Variants in ANKS1B observed in about 807,000 individuals in gnomAD.
ANKS1B encodes the protein ankyrin repeat and sterile alpha motif domain containing 1B, also known as ankyrin repeat and sterile alpha motif domain-containing protein 1B.
Under a neutral mutation model 148.3 loss-of-function variants are expected in ANKS1B, and 36 were observed. That is an observed-to-expected ratio of 0.24 (90% CI 0.19 to 0.32). The LOEUF (loss-of-function observed/expected upper bound fraction) is 0.32. ANKS1B is among the 10% of genes least tolerant of loss of function. The pLI, the probability that ANKS1B is intolerant of heterozygous loss-of-function variation, is 1.00. For synonymous variants in ANKS1B, 542 were observed against 560.8 expected (o/e 0.97, Z 0.47); for missense variants, 1,157 against 1,542.6 (o/e 0.75, Z 4.19).
chr12:99,257,305 C>G (rs2075386774), intron 12 of ANKS1B, among the ~76,000 whole-genome samples: 1 of 151,810 alleles, frequency 6.6e-6, no homozygotes, highest in Non-Finnish European at 1.5e-5. Flanking sequence ...TGATTCCATA[C>G]TTCATATCTC....
intron 9 of ANKS1B, among the ~76,000 whole-genome samples, chr12:99,553,020 C>T (rs1292767339): frequency 1.3e-5 from 2 of 152,160 alleles, no homozygotes; most frequent in Non-Finnish European, 2.9e-5. Flanking sequence ...AGAGAGCTGA[C>T]TTTATATCAC....
At chr12:99,705,630 G>A (rs1024732811) in intron 8 of ANKS1B, among the ~76,000 whole-genome samples, 1 of 152,080 alleles carries the variant, frequency 6.6e-6, no homozygotes, top group Non-Finnish European at 1.5e-5. Flanking sequence ...AAAGACATTT[G>A]CATGAAATTA....
intron 1 of ANKS1B, among the ~76,000 whole-genome samples, chr12:99,866,655 T>C (rs1479584809): frequency 6.6e-6 from 1 of 152,204 alleles, no homozygotes; most frequent in South Asian, 2.1e-4. Flanking sequence ...TTCACAAATA[T>C]GCATTACTGT....
intron 4 of ANKS1B, among the ~76,000 whole-genome samples, chr12:99,800,192 A>C (rs1261248785): frequency 6.6e-6 from 1 of 152,034 alleles, no homozygotes; most frequent in Non-Finnish European, 1.5e-5. Flanking sequence ...TGGTGTCCTT[A>C]TAAGGGAAAG....
chr12:99,136,030 A>T (rs2067930506), intron 15 of ANKS1B, among the ~76,000 whole-genome samples: 1 of 152,202 alleles, frequency 6.6e-6, no homozygotes, highest in Non-Finnish European at 1.5e-5. Flanking sequence ...AATCTTAAGG[A>T]TAAAGTAAAG....
At chr12:99,121,094 C>CT (rs1047797939) in intron 15 of ANKS1B, among the ~76,000 whole-genome samples, 2,121 of 142,700 alleles carry the variant, frequency 0.015, 47 homozygotes, top group East Asian at 0.091. Context: ...AAAATTTAGA[C>CT]TTTTTTTTTT....
intron 9 of ANKS1B, chr12:99,649,537 G>A: frequency 1.5e-6 from 1 of 657,180 alleles, no homozygotes; most frequent in Non-Finnish European, 2.6e-6. Context: ...TACCATGGAT[G>A]TGGCTGCAAC....
chr12:99,960,071 C>G (rs1057066337), intron 1 of ANKS1B, among the ~76,000 whole-genome samples: 7 of 152,098 alleles, frequency 4.6e-5, no homozygotes, highest in Non-Finnish European at 8.8e-5. Context: ...GCAAAAAGAA[C>G]AGGAGATTTA....
At chr12:99,806,876 C>A (rs2067686644) in intron 3 of ANKS1B, among the ~76,000 whole-genome samples, 176 bp from the exon 4 acceptor site, 1 of 151,480 alleles carries the variant, frequency 6.6e-6, no homozygotes, top group Non-Finnish European at 1.5e-5. Context: ...TTCATTGAAT[C>A]AAAAAAAAAT....
intron 9 of ANKS1B, among the ~76,000 whole-genome samples, chr12:99,572,730 A>C (rs1189040705): frequency 2.6e-5 from 4 of 152,078 alleles, no homozygotes; most frequent in Non-Finnish European, 5.9e-5. Context: ...AAGCCTAAAA[A>C]TCCAAGATAA....
At chr12:99,282,642 C>T (rs946761960) in intron 12 of ANKS1B, among the ~76,000 whole-genome samples, 3 of 151,900 alleles carry the variant, frequency 2.0e-5, no homozygotes, top group African/African-American at 4.8e-5. Context: ...GTTCTATGAA[C>T]GTAGAACTAA....
intron 17 of ANKS1B, among the ~76,000 whole-genome samples, chr12:98,863,857 C>T (rs906102980): frequency 6.6e-5 from 10 of 152,116 alleles, no homozygotes; most frequent in African/African-American, 2.4e-4. Context: ...GAAAGTTGAC[C>T]GTGATGTCGA....
chr12:99,662,058 C>A (rs2098480250), intron 8 of ANKS1B, among the ~76,000 whole-genome samples: 1 of 152,204 alleles, frequency 6.6e-6, no homozygotes, highest in South Asian at 2.1e-4. Context: ...CAGCCTTGGA[C>A]TGCCTAGCTC....
intron 9 of ANKS1B, among the ~76,000 whole-genome samples, chr12:99,577,293 A>G (rs2097528246): frequency 1.0e-5 from 1 of 97,244 alleles, no homozygotes; most frequent in Non-Finnish European, 2.0e-5. Flanking sequence ...TGTTCACATC[A>G]AATAAATAAA....
chr12:99,379,159 T>G (rs2152501145), intron 12 of ANKS1B, among the ~76,000 whole-genome samples: 1 of 152,336 alleles, frequency 6.6e-6, no homozygotes, highest in South Asian at 2.1e-4. Context: ...ATTTACAGAC[T>G]AAGAATTACA....
intron 14 of ANKS1B, among the ~76,000 whole-genome samples, chr12:99,231,864 T>C (rs113634173): frequency 1.4e-3 from 211 of 152,156 alleles, no homozygotes; most frequent in African/African-American, 5.0e-3. Flanking sequence ...GAGGCTCTTT[T>C]AGGAGAAAGG....
At chr12:99,388,463 G>C (rs917918735) in intron 12 of ANKS1B, among the ~76,000 whole-genome samples, 3 of 152,160 alleles carry the variant, frequency 2.0e-5, no homozygotes, top group Non-Finnish European at 4.4e-5. Context: ...CAAGGGACTG[G>C]TATTGATGGG....
chr12:99,313,986 T>C (rs1213437026), intron 12 of ANKS1B, among the ~76,000 whole-genome samples: 3 of 152,190 alleles, frequency 2.0e-5, no homozygotes, highest in Admixed American at 6.5e-5. Flanking sequence ...TTGTCTCTGT[T>C]TGCAGATGAC....
Position 98,756,721 on chromosome 12 carries a change from A to G in ANKS1B, c.3580-5199T>C, listed in dbSNP as rs982618939. ...AGCCTGGGTGACAGAGCGAGACTCC[A>G]TCTATCTTTTTTTTTTTTTTTTTGA... On this transcript the variant is annotated intron_variant, in intron 25 of 26. Coordinates refer to ENST00000683438, the MANE Select transcript of ANKS1B (RefSeq NM_001352186.2). Among the ~76,000 whole-genome samples the G allele has an allele frequency of 4.1e-5, 6 of 146,690 alleles. No homozygotes were observed. In the South Asian group the frequency reaches 8.7e-4, roughly 21 times the overall value.
Sources: allele counts gnomAD v4.1 joint callset (sites outside exome capture counted in the v4.1 genomes callset), GRCh38; gene constraint gnomAD v4.1.1; transcripts MANE v1.5; gene names NCBI Gene and HGNC (gene_info 2026-07-23, HGNC 2026-07-21).